Variants in MSH3 observed in about 807,000 individuals in gnomAD.
MSH3 encodes the protein mutS homolog 3, also known as DNA mismatch repair protein Msh3.
Under a neutral mutation model 123.3 loss-of-function variants are expected in MSH3, and 106 were observed. The ratio of observed to expected loss-of-function variants is 0.86; its 90% confidence interval spans 0.73 to 1.01. MSH3 has a LOEUF of 1.01. Ranked by LOEUF, MSH3 falls within the 50% of genes least tolerant of loss-of-function variation. The pLI is 0.00. For missense variants in MSH3, 1,459 were observed against 1,347.6 expected (o/e 1.08, Z -1.29); for synonymous variants, 515 against 481.4 (o/e 1.07, Z -0.91).
At chr5:80,726,008 CTGTT>C (rs1743297831) in intron 9 of MSH3, among the ~76,000 whole-genome samples, 2 of 152,114 alleles carry the variant, frequency 1.3e-5, no homozygotes. Flanking sequence ...ATTTTATAGA[CTGTT>C]TGGATGATAA....
chr5:80,771,765 A>C (rs1313914990), intron 15 of MSH3, among the ~76,000 whole-genome samples: 1 of 152,206 alleles, frequency 6.6e-6, no homozygotes, highest in Admixed American at 6.5e-5. Context: ...TAAATGTGCC[A>C]GTCTGTAAAT....
At chr5:80,757,407 A>G (rs919722900) in intron 12 of MSH3, among the ~76,000 whole-genome samples, 8 of 152,156 alleles carry the variant, frequency 5.3e-5, no homozygotes, top group Non-Finnish European at 1.0e-4. Context: ...TACTGACTCC[A>G]TCACTGACAA....
rs755593955 is a variant in MSH3 at position 80,741,514 on chromosome 5, C to A, written c.1619C>A (p.Thr540Lys). Reference protein sequence around the residue: ...SKMEFMTINGTTLRNLEILQN... With the variant: ...SKMEFMTINGKTLRNLEILQN... ...ATGGAATTTATGACAATTAATGGAACAACATTAAGGAATCTGGAAATCCTA... is the reference window on the plus strand; with the variant it reads ...ATGGAATTTATGACAATTAATGGAAAAACATTAAGGAATCTGGAAATCCTA... The change falls in exon 11 of 24, where the codon ACA becomes AAA. Residue 540 changes from threonine to lysine, a missense_variant. By Grantham distance (78) the Thr-to-Lys change is moderately conservative. Coordinates refer to ENST00000265081, the MANE Select transcript of MSH3 (RefSeq NM_002439.5). The A allele has an allele frequency of 6.2e-7, 1 of 1,607,722 alleles. No individual in the cohort carries two copies. Among genetic ancestry groups the A allele is most frequent in the Non-Finnish European group, 8.5e-7 (1 of 1,174,316 alleles).
intron 12 of MSH3, among the ~76,000 whole-genome samples, chr5:80,754,623 T>C (rs1047840774): frequency 1.3e-5 from 2 of 152,184 alleles, no homozygotes; most frequent in African/African-American, 4.8e-5. Context: ...TTTAGAAAAC[T>C]GCTTTAGGAA....
At chr5:80,679,269 T>G (rs1749914516) in intron 8 of MSH3, among the ~76,000 whole-genome samples, 176 bp downstream of exon 8, 1 of 151,730 alleles carries the variant, frequency 6.6e-6, no homozygotes, top group African/African-American at 2.4e-5. Flanking sequence ...TGGTGGCACA[T>G]GCATGTAATC....
intron 22 of MSH3, among the ~76,000 whole-genome samples, chr5:80,872,365 G>A (rs1365497372): frequency 6.6e-6 from 1 of 152,116 alleles, no homozygotes; most frequent in Non-Finnish European, 1.5e-5. Flanking sequence ...TACTCGGGAG[G>A]CTGAGATGGG....
At chr5:80,742,547 A>T (rs951518820) in intron 11 of MSH3, among the ~76,000 whole-genome samples, 2 of 152,212 alleles carry the variant, frequency 1.3e-5, no homozygotes, top group African/African-American at 4.8e-5. Context: ...AACTCTTCAG[A>T]AATATTTATT....
intron 20 of MSH3, among the ~76,000 whole-genome samples, chr5:80,827,391 A>C (rs557285160): frequency 2.0e-4 from 30 of 152,352 alleles, no homozygotes; most frequent in Non-Finnish European, 1.0e-4. Context: ...AGAGAATTGG[A>C]AGATAATAGA....
chr5:80,817,820 A>C (rs1745131708), intron 20 of MSH3, among the ~76,000 whole-genome samples: 1 of 152,216 alleles, frequency 6.6e-6, no homozygotes, highest in Non-Finnish European at 1.5e-5. Context: ...AGATTTAAGT[A>C]ATAATCAGAA....
At chr5:80,870,073 C>T (rs1020678904) in intron 22 of MSH3, among the ~76,000 whole-genome samples, 2 of 148,264 alleles carry the variant, frequency 1.3e-5, no homozygotes, top group African/African-American at 2.5e-5. Context: ...ACTCAGGAGG[C>T]TGAGGCAGGA....
In MSH3 at chr5:80,784,285, T is replaced by C. The variant is rs1472699215; in HGVS notation, c.2436-3280T>C. ...AATAAAGTCGAAGCCAGAGCAGGAA[T>C]AACAAGGCAAAGTCAGTGGGCACCC... On this transcript the variant is annotated intron_variant, in intron 17 of 23. Coordinates refer to ENST00000265081, the MANE Select transcript of MSH3 (RefSeq NM_002439.5). Among the ~76,000 whole-genome samples, 5 of 110,264 alleles carry C rather than the reference T, an allele frequency of 4.5e-5. No individual in the cohort carries two copies. The East Asian group carries it at 1.4e-3, about 31-fold the overall frequency. 72.3% of individuals were successfully genotyped at this position (110,264 alleles called of 152,430 possible). A position where few individuals can be genotyped will look rare whatever the true frequency, so the allele number is the denominator to read the frequency against.
At chr5:80,850,412 A>G (rs922688765) in intron 20 of MSH3, among the ~76,000 whole-genome samples, 1 of 152,206 alleles carries the variant, frequency 6.6e-6, no homozygotes, top group African/African-American at 2.4e-5. Context: ...CACACTGCTG[A>G]TAATGACATA....
chr5:80,695,177 C>A (rs1441981210), intron 8 of MSH3, among the ~76,000 whole-genome samples: 1 of 145,142 alleles, frequency 6.9e-6, no homozygotes, highest in African/African-American at 2.5e-5. Context: ...GGGCTCTATT[C>A]ATTTTATTTT....
chr5:80,807,190 CAAAAAA>C (rs34405208), intron 19 of MSH3, among the ~76,000 whole-genome samples: 2 of 91,448 alleles, frequency 2.2e-5, no homozygotes, highest in East Asian at 3.1e-4. Flanking sequence ...TACCCTGTCT[CAAAAAA>C]AAAAAAAAAA....
At chr5:80,733,568 A>G (rs1449919922) in intron 10 of MSH3, among the ~76,000 whole-genome samples, 3 of 150,796 alleles carry the variant, frequency 2.0e-5, no homozygotes, top group Non-Finnish European at 4.4e-5. Flanking sequence ...TTTGTAAATC[A>G]TATATCCAGT....
At chr5:80,856,312 T>C (rs187700546) in intron 21 of MSH3, among the ~76,000 whole-genome samples, 36 of 152,076 alleles carry the variant, frequency 2.4e-4, no homozygotes, top group Admixed American at 7.9e-4. Context: ...TTGTTTTGCT[T>C]TAAAAAATTT....
intron 4 of MSH3, among the ~76,000 whole-genome samples, chr5:80,670,717 C>T (rs969394766): frequency 3.9e-5 from 6 of 152,140 alleles, no homozygotes; most frequent in Non-Finnish European, 2.9e-5. Context: ...TAGCCAGGAA[C>T]AAAGTTAAGT....
chr5:80,808,865 A>T (rs888553128), intron 19 of MSH3, among the ~76,000 whole-genome samples: 1 of 122,140 alleles, frequency 8.2e-6, no homozygotes, highest in East Asian at 2.9e-4. Context: ...CTTCATATAT[A>T]TATATATATA....
At chr5:80,861,241 C>A (rs1200748677) in intron 21 of MSH3, among the ~76,000 whole-genome samples, 1 of 152,106 alleles carries the variant, frequency 6.6e-6, no homozygotes, top group Non-Finnish European at 1.5e-5. Context: ...TGACAGCTGG[C>A]TATGATGTAT....
Sources: allele counts gnomAD v4.1 joint callset (sites outside exome capture counted in the v4.1 genomes callset), GRCh38; gene constraint gnomAD v4.1.1; transcripts MANE v1.5; gene names NCBI Gene and HGNC (gene_info 2026-07-23, HGNC 2026-07-21).